The following HDAC9 variants were observed in gnomAD, a reference collection of about 807,000 sequenced individuals.
HDAC9 encodes MEF-2 interacting transcription repressor (MITR) protein.
HDAC9 carries 41 observed loss-of-function variants against 139.4 expected under a neutral mutation model. That is an observed-to-expected ratio of 0.29 (90% CI 0.23 to 0.38). The LOEUF (loss-of-function observed/expected upper bound fraction) is 0.38, where lower values mean the gene tolerates loss of function less well. Among genes scored for constraint, HDAC9 ranks in the 10% least tolerant of loss-of-function variants. The pLI is 1.00. For synonymous variants in HDAC9, 517 were observed against 476.2 expected, an observed-to-expected ratio of 1.09 and a Z score of -1.12; for missense variants, 1,147 against 1,297.0, an observed-to-expected ratio of 0.88 and a Z score of 1.78.
intron 1 of HDAC9, among the ~76,000 whole-genome samples, chr7:18,470,674 T>C (rs1037554461): frequency 1.3e-5 from 2 of 152,164 alleles, no homozygotes; most frequent in Admixed American, 6.5e-5. Context: ...ATAGATAATA[T>C]GTAAATAAAT....
At chr7:18,417,532 A>C (rs1310627584) in intron 1 of HDAC9, among the ~76,000 whole-genome samples, 1 of 152,044 alleles carries the variant, frequency 6.6e-6, no homozygotes, top group Non-Finnish European at 1.5e-5. Context: ...TATGAATCTT[A>C]GTTTGTTTTG....
intron 1 of HDAC9, among the ~76,000 whole-genome samples, chr7:18,113,660 C>G (rs1783775020): frequency 6.6e-6 from 1 of 152,188 alleles, no homozygotes; most frequent in Non-Finnish European, 1.5e-5. Context: ...GCTTTTAACA[C>G]ACTCTTATTT....
chr7:18,384,928 A>T (rs1406085526), intron 1 of HDAC9, among the ~76,000 whole-genome samples: 1 of 152,100 alleles, frequency 6.6e-6, no homozygotes, highest in Non-Finnish European at 1.5e-5. Flanking sequence ...TCTCCTGTGA[A>T]GGATGTTAGG....
chr7:18,635,808 G>C (rs899670977), intron 8 of HDAC9, among the ~76,000 whole-genome samples: 1 of 151,960 alleles, frequency 6.6e-6, no homozygotes, highest in Non-Finnish European at 1.5e-5. Flanking sequence ...CTACCATGTG[G>C]TTATCCAGCC....
At chr7:18,798,918 G>T (rs1016102391) in intron 17 of HDAC9, among the ~76,000 whole-genome samples, 13 of 152,030 alleles carry the variant, frequency 8.6e-5, no homozygotes, top group Non-Finnish European at 1.8e-4. Context: ...TCCTACTCAG[G>T]AAAGACCTGA....
Position 18,996,116 on chromosome 7 carries a change from C to T in HDAC9, c.*54C>T. 7.5e-7 allele frequency: 1 copy of T among 1,332,040 alleles called. No homozygotes were observed. Among genetic ancestry groups the T allele is most frequent in the Non-Finnish European group, 1.1e-6 (1 of 940,348 alleles). The allele number at this position is 1,332,040 out of a possible 1,614,324, so 82.5% of individuals were successfully genotyped here. ...GTGTGTGACATCATTGTGTATCCCCCCACCCCAGTACCCTCAGACATGTCT... is the reference window on the plus strand; with the variant it reads ...GTGTGTGACATCATTGTGTATCCCCTCACCCCAGTACCCTCAGACATGTCT... On this transcript the variant is annotated 3_prime_UTR_variant, in exon 26 of 26. Coordinates refer to ENST00000686413, the MANE Select transcript of HDAC9 (RefSeq NM_178425.4).
intron 17 of HDAC9, among the ~76,000 whole-genome samples, chr7:18,810,018 A>G (rs554115086): frequency 3.3e-5 from 5 of 151,958 alleles, no homozygotes; most frequent in African/African-American, 1.2e-4. Flanking sequence ...ATATACATAC[A>G]ATGGAATCTT....
intron 8 of HDAC9, among the ~76,000 whole-genome samples, chr7:18,638,639 G>C (rs571286736): frequency 6.6e-6 from 1 of 152,126 alleles, no homozygotes; most frequent in African/African-American, 2.4e-5. Flanking sequence ...GTGAAGTTCG[G>C]AACAAGTTCA....
intron 1 of HDAC9, among the ~76,000 whole-genome samples, chr7:18,404,796 A>G (rs61549860): frequency 1.3e-5 from 2 of 152,162 alleles, no homozygotes; most frequent in Middle Eastern, 3.2e-3. Context: ...TTCTAATATT[A>G]ACTATTGAAA....
In HDAC9 at chr7:18,108,237, A is replaced by G. The variant is rs776286784; in HGVS notation, c.-97+21024A>G. Among the ~76,000 whole-genome samples, 29 of 152,298 alleles carry G rather than the reference A, an allele frequency of 1.9e-4. 1 individual carries two copies. The highest frequency in any genetic ancestry group is 3.4e-3 in the Middle Eastern group (1 of 294). ...GAAAACCCTCAGGTAAAGAAATAAA[A>G]GGGTTGACGGTTGGAAGTCTGTGGG... is the stretch of plus-strand genomic sequence containing the variant. On this transcript the variant is annotated intron_variant, in intron 1 of 12. Coordinates refer to the HDAC9 transcript ENST00000417496.
At chr7:18,918,960 C>T (rs780773421) in intron 22 of HDAC9, among the ~76,000 whole-genome samples, 3 of 151,980 alleles carry the variant, frequency 2.0e-5, no homozygotes, top group Non-Finnish European at 4.4e-5. Context: ...AGTAATATTA[C>T]ATGTTTCAGA....
intron 6 of HDAC9, among the ~76,000 whole-genome samples, chr7:18,625,980 G>A (rs1841599130): frequency 7.1e-6 from 1 of 141,058 alleles, no homozygotes; most frequent in East Asian, 2.2e-4. Context: ...AAAAAGATAT[G>A]TAGGACTATA....
chr7:18,368,605 G>A (rs1293433539), intron 1 of HDAC9, among the ~76,000 whole-genome samples: 1 of 151,972 alleles, frequency 6.6e-6, no homozygotes, highest in Non-Finnish European at 1.5e-5. Flanking sequence ...AAAAATGGCT[G>A]TCAGTTTATT....
chr7:18,935,891 A>T lies in HDAC9; in HGVS notation c.2886A>T (p.Thr962=), dbSNP rs182625999. Residue 962 remains threonine (T), a synonymous_variant, in exon 23 of 26, where the codon ACA becomes ACT. Coordinates refer to ENST00000686413, the MANE Select transcript of HDAC9 (RefSeq NM_178425.4). ...CTCTAGAAGGAGGACATGATCTCACAGCCATCTGTGATGCATCAGAAGCCT... is the reference window on the plus strand; with the variant it reads ...CTCTAGAAGGAGGACATGATCTCACTGCCATCTGTGATGCATCAGAAGCCT... The part of the protein sequence containing the change: ...VLALEGGHDL[T]AICDASEACV... 7.4e-5 allele frequency: 119 copies of T among 1,613,910 alleles called. No individual in the cohort carries two copies. In the Admixed American group the frequency reaches 1.9e-3, roughly 26 times the overall value.
intron 6 of HDAC9, among the ~76,000 whole-genome samples, chr7:18,609,248 C>G (rs139391441): frequency 2.4e-4 from 37 of 152,276 alleles, no homozygotes; most frequent in African/African-American, 8.4e-4. Flanking sequence ...TAGGCACTAG[C>G]TGCATGTTGC....
chr7:18,871,590 CTTTG>C (rs1169128596), intron 21 of HDAC9, among the ~76,000 whole-genome samples: 1 of 152,128 alleles, frequency 6.6e-6, no homozygotes, highest in Non-Finnish European at 1.5e-5. Flanking sequence ...AACATGTATT[CTTTG>C]TTTGCTAACT....
At chr7:18,282,960 T>C (rs1797195264) in intron 2 of HDAC9, among the ~76,000 whole-genome samples, 1 of 152,026 alleles carries the variant, frequency 6.6e-6, no homozygotes, top group South Asian at 2.1e-4. Context: ...TTTTTCTGGT[T>C]CTCAGTGCCT....
At chr7:18,169,957 T>A (rs146246914) in intron 2 of HDAC9, among the ~76,000 whole-genome samples, 6,985 of 152,294 alleles carry the variant, frequency 0.046, 177 homozygotes, top group Non-Finnish European at 0.059. Context: ...TGATTTATAA[T>A]CCTTTGGGTA....
At chr7:18,441,409 T>C (rs1182803707) in intron 1 of HDAC9, among the ~76,000 whole-genome samples, 1 of 152,196 alleles carries the variant, frequency 6.6e-6, no homozygotes, top group Non-Finnish European at 1.5e-5. Context: ...CAATGAAAAA[T>C]GTTAAATGTT....
Sources: gnomAD v4.1 joint callset for allele counts (sites outside exome capture counted in the v4.1 genomes callset) on GRCh38, gnomAD v4.1.1 for gene constraint, MANE v1.5 for transcripts, NCBI Gene and HGNC (gene_info 2026-07-23, HGNC 2026-07-21) for gene names.